The following CCSER1 variants were observed in gnomAD, a reference collection of about 807,000 sequenced individuals.
CCSER1 encodes coiled-coil serine rich protein 1.
CCSER1 carries 41 observed loss-of-function variants against 82.0 expected under a neutral mutation model. That is an observed-to-expected ratio of 0.50 (90% CI 0.39 to 0.65). The LOEUF is 0.65. Ranked by LOEUF, CCSER1 falls within the 30% of genes least tolerant of loss-of-function variation. CCSER1 has a pLI of 0.00. For synonymous variants in CCSER1, 414 were observed against 383.9 expected (o/e 1.08, Z -0.92); for missense variants, 1,119 against 1,064.2 (o/e 1.05, Z -0.72).
At position 90,723,920 on chromosome 4, in the gene CCSER1, G is replaced by C. The variant is rs1377927549; in HGVS notation, c.1939G>C (p.Asp647His). The change falls in exon 7 of 11, where the codon GAC becomes CAC. Residue 647 changes from aspartate (D) to histidine (H), a missense_variant. Physicochemically the swap from Asp to His is moderately conservative, Grantham distance 81. Coordinates refer to ENST00000509176, the MANE Select transcript of CCSER1 (RefSeq NM_001145065.2). Reference sequence around the variant, plus strand: ...AATTTCACTGTCCTTGCAGAGTGCAGACATGAGTCCAGCAAGCAGTACCAC... The same window carrying C: ...AATTTCACTGTCCTTGCAGAGTGCACACATGAGTCCAGCAAGCAGTACCAC... ...KMKRVLQESADMSPASSTTSL... is the reference protein window; with the variant it reads ...KMKRVLQESAHMSPASSTTSL... 1 of 1,567,434 alleles carries C rather than the reference G, an allele frequency of 6.4e-7. No homozygotes were observed. The highest frequency in any genetic ancestry group is 1.4e-5 in the African/African-American group (1 of 73,938).
At chr4:90,557,391 T>A (rs1170670017) in intron 5 of CCSER1, among the ~76,000 whole-genome samples, 2 of 152,056 alleles carry the variant, frequency 1.3e-5, no homozygotes, top group African/African-American at 4.8e-5. Context: ...TATTAACAGA[T>A]GATTATGTTC....
chr4:91,382,624 G>C (rs1381903043), intron 10 of CCSER1, among the ~76,000 whole-genome samples: 2 of 152,110 alleles, frequency 1.3e-5, no homozygotes, highest in Admixed American at 1.3e-4. Context: ...CCTTGGCTAG[G>C]AAAGGGAATT....
intron 6 of CCSER1, among the ~76,000 whole-genome samples, chr4:90,684,874 C>T (rs1734525756): frequency 2.0e-5 from 3 of 152,114 alleles, no homozygotes; most frequent in Admixed American, 2.0e-4. Context: ...AGGTGCCATC[C>T]ATGTTAGGCG....
chr4:90,271,863 T>TG (rs61116868), intron 1 of CCSER1, among the ~76,000 whole-genome samples: 2 of 19,780 alleles, frequency 1.0e-4, no homozygotes, highest in African/African-American at 3.1e-4. Flanking sequence ...TATATATATA[T>TG]TTTTTTTTTT....
At chr4:90,831,837 T>A (rs1038494346) in intron 8 of CCSER1, among the ~76,000 whole-genome samples, 3 of 152,102 alleles carry the variant, frequency 2.0e-5, no homozygotes, top group Admixed American at 2.0e-4. Context: ...GAGGAAAAAA[T>A]TATGTTACCT....
At chr4:90,855,876 A>G (rs73834571) in intron 8 of CCSER1, among the ~76,000 whole-genome samples, 27,538 of 152,018 alleles carry the variant, frequency 0.18, 2,780 homozygotes, top group South Asian at 0.27. Context: ...CTTGTGCCTC[A>G]TTGCCTTCAT....
At chr4:90,535,777 G>A (rs1486795974) in intron 5 of CCSER1, among the ~76,000 whole-genome samples, 2 of 151,836 alleles carry the variant, frequency 1.3e-5, no homozygotes, top group Admixed American at 1.3e-4. Context: ...AATGATACAG[G>A]AAGGCAGCAC....
At chr4:91,086,199 T>A (rs897925678) in intron 10 of CCSER1, among the ~76,000 whole-genome samples, 3 of 152,120 alleles carry the variant, frequency 2.0e-5, no homozygotes, top group Admixed American at 6.6e-5. Context: ...TGCTTGTTCC[T>A]CTGAAGCTAA....
At chr4:90,825,446 T>A (rs1371028626) in intron 8 of CCSER1, among the ~76,000 whole-genome samples, 1 of 152,180 alleles carries the variant, frequency 6.6e-6, no homozygotes, top group Non-Finnish European at 1.5e-5. Flanking sequence ...ACAATTTAAG[T>A]AGTCAGTGGG....
chr4:91,111,053 C>G (rs1024004197), intron 10 of CCSER1, among the ~76,000 whole-genome samples: 2 of 150,230 alleles, frequency 1.3e-5, no homozygotes, highest in Non-Finnish European at 3.0e-5. Context: ...AGTATATAGC[C>G]TGATTTTATG....
At chr4:90,485,135 G>C (rs1766798478) in intron 5 of CCSER1, among the ~76,000 whole-genome samples, 1 of 152,212 alleles carries the variant, frequency 6.6e-6, no homozygotes, top group African/African-American at 2.4e-5. Flanking sequence ...TGCTGTGCTA[G>C]CAATGAGCGA....
At chr4:91,021,788 A>T (rs1480609791) in intron 9 of CCSER1, among the ~76,000 whole-genome samples, 1 of 152,212 alleles carries the variant, frequency 6.6e-6, no homozygotes, top group African/African-American at 2.4e-5. Context: ...CAGTGACAAC[A>T]TTCTAAAAGG....
intron 10 of CCSER1, among the ~76,000 whole-genome samples, chr4:91,505,435 A>C (rs942671439): frequency 1.3e-5 from 2 of 152,194 alleles, no homozygotes; most frequent in African/African-American, 4.8e-5. Flanking sequence ...AATAGAATGA[A>C]TTATATTCCT....
intron 10 of CCSER1, among the ~76,000 whole-genome samples, chr4:91,415,474 A>G (rs1753304967): frequency 6.6e-6 from 1 of 152,106 alleles, no homozygotes; most frequent in Admixed American, 6.6e-5. Context: ...AAGGGAGGGC[A>G]TCCTTGTCTT....
chr4:90,955,556 T>C (rs906364795), intron 9 of CCSER1, among the ~76,000 whole-genome samples: 1 of 152,186 alleles, frequency 6.6e-6, no homozygotes, highest in Non-Finnish European at 1.5e-5. Context: ...TGGGGTAAAC[T>C]GACAAAGCTG....
chr4:90,969,799 G>T (rs1441623470), intron 9 of CCSER1, among the ~76,000 whole-genome samples: 1 of 151,912 alleles, frequency 6.6e-6, no homozygotes, highest in South Asian at 2.1e-4. Context: ...AGCAGTGGTA[G>T]TGTGTAAACT....
At chr4:90,536,972 T>C (rs539969448) in intron 5 of CCSER1, among the ~76,000 whole-genome samples, 1 of 152,348 alleles carries the variant, frequency 6.6e-6, no homozygotes, top group African/African-American at 2.4e-5. Flanking sequence ...ATATTGGTTT[T>C]GAAAAGCCTG....
intron 10 of CCSER1, among the ~76,000 whole-genome samples, chr4:91,596,176 C>G (rs904302598): frequency 3.3e-5 from 5 of 151,954 alleles, no homozygotes; most frequent in African/African-American, 1.2e-4. Context: ...TTATTTGATC[C>G]TTTTCAATAT....
chr4:91,042,485 A>T (rs1381291), intron 9 of CCSER1, among the ~76,000 whole-genome samples: 56,463 of 151,978 alleles, frequency 0.37, 11,754 homozygotes, highest in East Asian at 0.63. Flanking sequence ...GTATTTTTTA[A>T]GGGTAAAATT....
Sources: allele counts gnomAD v4.1 joint callset (sites outside exome capture counted in the v4.1 genomes callset), GRCh38; gene constraint gnomAD v4.1.1; transcripts MANE v1.5; gene names NCBI Gene and HGNC (gene_info 2026-07-23, HGNC 2026-07-21).